The following SERGEF variants were observed in gnomAD, a reference collection of about 807,000 sequenced individuals.
The protein encoded by SERGEF is secretion-regulating guanine nucleotide exchange factor.
A neutral mutation model predicts 50.0 loss-of-function variants in SERGEF; 51 were observed. That is an observed-to-expected ratio of 1.02 (90% CI 0.81 to 1.29). The LOEUF (loss-of-function observed/expected upper bound fraction) is 1.29, where lower values mean the gene tolerates loss of function less well. Among genes scored for constraint, SERGEF ranks in the 50% most tolerant of loss-of-function variants. The pLI is 0.00. For missense variants in SERGEF, 521 were observed against 557.0 expected (o/e 0.94, Z 0.65); for synonymous variants, 205 against 212.4 (o/e 0.97, Z 0.30).
chr11:17,819,279 A>G (rs550067642), intron 10 of SERGEF, among the ~76,000 whole-genome samples: 2 of 152,380 alleles, frequency 1.3e-5, no homozygotes, highest in African/African-American at 4.8e-5. Context: ...TTTGAAAACA[A>G]TGGTGCATGT....
At chr11:17,947,807 C>T (rs747028825) in intron 9 of SERGEF, among the ~76,000 whole-genome samples, 1 of 152,142 alleles carries the variant, frequency 6.6e-6, no homozygotes, top group Non-Finnish European at 1.5e-5. Flanking sequence ...AATTATTATA[C>T]TGCTTCATGG....
chr11:17,923,075 A>G (rs1376046155), intron 9 of SERGEF, among the ~76,000 whole-genome samples: 1 of 152,072 alleles, frequency 6.6e-6, no homozygotes, highest in Non-Finnish European at 1.5e-5. Context: ...CCACCTAGAT[A>G]TACATCAGTT....
intron 10 of SERGEF, among the ~76,000 whole-genome samples, chr11:17,796,835 G>A (rs1590118656): frequency 1.3e-5 from 2 of 152,284 alleles, no homozygotes; most frequent in East Asian, 3.9e-4. Context: ...TTACTCTGGG[G>A]ATGTTTCAGG....
At chr11:17,881,305 G>A (rs903381840) in intron 9 of SERGEF, among the ~76,000 whole-genome samples, 3 of 152,220 alleles carry the variant, frequency 2.0e-5, no homozygotes. Context: ...GGGGCTTCCA[G>A]AAACAAGCCA....
chr11:18,010,009 T>C (rs1025750687), intron 1 of SERGEF: 4 of 658,304 alleles, frequency 6.1e-6, no homozygotes, highest in African/African-American at 5.7e-5. Flanking sequence ...AGACAAGGGA[T>C]TGTGGACCTG....
intron 8 of SERGEF, among the ~76,000 whole-genome samples, chr11:17,985,166 A>G (rs775805696): frequency 1.3e-5 from 2 of 152,178 alleles, no homozygotes; most frequent in African/African-American, 2.4e-5. Context: ...AGGTGGCATT[A>G]TCCCTGTGGA....
chr11:17,903,823 C>A (rs1369688918), intron 9 of SERGEF, among the ~76,000 whole-genome samples: 2 of 152,194 alleles, frequency 1.3e-5, no homozygotes, highest in Non-Finnish European at 2.9e-5. Context: ...ATGATCAGAA[C>A]TGAGGAGTCA....
chr11:17,843,874 T>C (rs1303569458), intron 10 of SERGEF, among the ~76,000 whole-genome samples: 1 of 152,132 alleles, frequency 6.6e-6, no homozygotes, highest in African/African-American at 2.4e-5. Context: ...CAAAGGATCC[T>C]AAAACATCAG....
intron 8 of SERGEF, among the ~76,000 whole-genome samples, chr11:17,962,485 T>C (rs1420593825): frequency 6.6e-6 from 1 of 152,318 alleles, no homozygotes; most frequent in East Asian, 1.9e-4. Context: ...TAAAGGATTA[T>C]ATATTACTAT....
At chr11:17,920,531 A>T (rs1852134839) in intron 9 of SERGEF, among the ~76,000 whole-genome samples, 1 of 152,200 alleles carries the variant, frequency 6.6e-6, no homozygotes, top group African/African-American at 2.4e-5. Context: ...AGATGAGAAA[A>T]CTGAGGCTGA....
chr11:17,815,093 A>G (rs1235164332), intron 10 of SERGEF, among the ~76,000 whole-genome samples: 1 of 152,172 alleles, frequency 6.6e-6, no homozygotes, highest in East Asian at 1.9e-4. Flanking sequence ...AAGCTGAGGC[A>G]GTAGGATCCT....
intron 10 of SERGEF, among the ~76,000 whole-genome samples, chr11:17,834,687 TG>T (rs1259084949): frequency 2.6e-5 from 4 of 152,262 alleles, no homozygotes; most frequent in Non-Finnish European, 1.5e-5. Context: ...TGAAGTTTTT[TG>T]CTTCCTCAAT....
chr11:17,952,045 T>G (rs185982361), intron 9 of SERGEF, among the ~76,000 whole-genome samples: 29 of 152,288 alleles, frequency 1.9e-4, no homozygotes, highest in African/African-American at 6.7e-4. Flanking sequence ...CAACATGAGC[T>G]CTCACACTTT....
intron 9 of SERGEF, among the ~76,000 whole-genome samples, chr11:17,938,242 A>G (rs1041124801): frequency 2.6e-5 from 4 of 152,206 alleles, no homozygotes; most frequent in African/African-American, 4.8e-5. Context: ...AGACTGTCAA[A>G]TACAACCATC....
At chr11:17,959,348 C>A in intron 9 of SERGEF, 122 bp downstream of exon 9, 1 of 849,086 alleles carries the variant, frequency 1.2e-6, no homozygotes, top group African/African-American at 1.7e-5. Flanking sequence ...AGGGCAAGGA[C>A]CTCTTCTGAT....
intron 9 of SERGEF, among the ~76,000 whole-genome samples, chr11:17,955,359 C>T (rs1213272000): frequency 1.3e-5 from 2 of 152,188 alleles, no homozygotes; most frequent in Non-Finnish European, 2.9e-5. Flanking sequence ...CTTGTATCCA[C>T]CTCCCCATCC....
At chr11:17,959,132 G>C (rs1852938264) in intron 9 of SERGEF, among the ~76,000 whole-genome samples, 2 of 152,176 alleles carry the variant, frequency 1.3e-5, no homozygotes, top group Non-Finnish European at 2.9e-5. Flanking sequence ...GCCTCCCAAA[G>C]TGCTGGGATT....
chr11:17,945,037 C>T (rs1852632282), intron 9 of SERGEF, among the ~76,000 whole-genome samples: 1 of 152,178 alleles, frequency 6.6e-6, no homozygotes. Context: ...ATATAAGTTT[C>T]CAGTCCTAAT....
chr11:18,012,595 A>C (rs1301812883), intron 1 of SERGEF: 1 of 1,177,708 alleles, frequency 8.5e-7, no homozygotes, highest in Non-Finnish European at 1.1e-6. Context: ...GAGCTCTGGG[A>C]CCGGGCGATC....
Sources: allele counts gnomAD v4.1 joint callset (sites outside exome capture counted in the v4.1 genomes callset), GRCh38; gene constraint gnomAD v4.1.1; transcripts MANE v1.5; gene names NCBI Gene and HGNC (gene_info 2026-07-23, HGNC 2026-07-21).